CPLANE1: variants seen among roughly 807,000 people sequenced by gnomAD.
CPLANE1 encodes ciliogenesis and planar polarity effector complex subunit 1, also known as ciliogenesis and planar polarity effector 1.
Under a neutral mutation model 362.5 loss-of-function variants are expected in CPLANE1, and 263 were observed. The ratio of observed to expected loss-of-function variants is 0.73; its 90% CI spans 0.66 to 0.80. The LOEUF is 0.80. Among genes scored for constraint, CPLANE1 ranks in the 30% least tolerant of loss-of-function variants. The pLI, the probability that CPLANE1 is intolerant of heterozygous loss-of-function variation, is 0.00. For synonymous variants in CPLANE1, 1,212 were observed against 1,302.6 expected (o/e 0.93, Z 1.50); for missense variants, 3,461 against 3,793.4 (o/e 0.91, Z 2.30).
intron 8 of CPLANE1, among the ~76,000 whole-genome samples, chr5:37,237,948 A>G (rs7729404): frequency 0.52 from 79,260 of 152,090 alleles, 24,253 homozygotes; most frequent in African/African-American, 0.87. Context: ...GGAGGCCAAG[A>G]TGGGAGGATC....
Position 37,169,368 on chromosome 5 carries a change from A to C in CPLANE1, c.6656T>G (p.Phe2219Cys), listed in dbSNP as rs780148979. 1 of 1,614,194 alleles carries C rather than the reference A, an allele frequency of 6.2e-7. No individual in the cohort carries two copies. ...APRLIPHAKT[F>C]SPGDGFPLLQ... ...CAAAGGAAAGCCATCACCAGGACTAAATGTTTTTGCATGTGGGATAAGTCT... is the reference window on the plus strand; with the variant it reads ...CAAAGGAAAGCCATCACCAGGACTACATGTTTTTGCATGTGGGATAAGTCT... Residue 2219 changes from phenylalanine (F) to cysteine (C), a missense_variant, in exon 34 of 53, where the codon TTT becomes TGT. Phe to Cys is a radical substitution (Grantham distance 205). Coordinates refer to ENST00000651892, the MANE Select transcript of CPLANE1 (RefSeq NM_001384732.1).
chr5:37,232,746 AG>A (rs1385206546), intron 8 of CPLANE1, among the ~76,000 whole-genome samples: 5 of 146,542 alleles, frequency 3.4e-5, no homozygotes, highest in Non-Finnish European at 6.0e-5. Context: ...TGAGGCAGGC[AG>A]GGGGATAGCT....
In CPLANE1 at chr5:37,168,967, G is replaced by A. The variant is rs1317886001; in HGVS notation, c.7057C>T (p.Pro2353Ser). 1 of 1,614,154 alleles carries A rather than the reference G, an allele frequency of 6.2e-7. No homozygotes were observed. Among genetic ancestry groups the A allele is most frequent in the Non-Finnish European group, 8.5e-7 (1 of 1,180,026 alleles). Residue 2353 changes from proline to serine, a missense_variant, in exon 34 of 53, where the codon CCT (proline) becomes TCT (serine). Transcript: ENST00000651892. ...DVKPGTLEIS[P>S]HHSFGLPLLY... ...AACGGAAGTCCAAAGGAATGGTGAG[G>A]AGATATCTCAAGGGTCCCTGGCTTA...
chr5:37,226,425 A>G lies in CPLANE1; in HGVS notation c.2170T>C (p.Ser724Pro). ...ATCTGAAAAATAGGTACCACCAATG[A>G]GTCTTGAGCTGTTATTTTACTTCCA... The part of the protein sequence containing the change: ...ADGSKITAQD[S>P]LVVPIFQMFQ... Residue 724 changes from serine (S) to proline (P), a missense_variant, in exon 12 of 53, where the codon TCA becomes CCA. Physicochemically the swap from Ser to Pro is moderately conservative, Grantham distance 74 (BLOSUM62 -1). This residue lies in a region of CPLANE1 where 3,380 missense variants were observed against 3,666.1 expected (regional missense o/e 0.92). Transcript: ENST00000651892. The G allele has an allele frequency of 6.4e-7, 1 of 1,551,180 alleles. No homozygotes were observed.
chr5:37,241,411 C>G (rs1486706781), intron 6 of CPLANE1, among the ~76,000 whole-genome samples: 2 of 152,072 alleles, frequency 1.3e-5, no homozygotes, highest in Non-Finnish European at 2.9e-5. Flanking sequence ...GCCAAGATTG[C>G]ACCACCACAC....
In CPLANE1 at chr5:37,180,944, G is replaced by C; in HGVS notation, c.5483C>G (p.Ser1828Ter). The C allele has an allele frequency of 1.2e-6, 2 of 1,613,934 alleles. No homozygotes were observed. The highest frequency in any genetic ancestry group is 1.7e-6 in the Non-Finnish European group (2 of 1,179,862). ...TACTGCAACTGAACCGCCAGCATCT[G>C]ATTTGCTCTCCCTCTCAATATTGGG... is the stretch of plus-strand genomic sequence containing the variant. ...IGPNIERESK[S>*]DAGGSVAVAT... The change falls in exon 27 of 53, where the codon TCA becomes TGA. Residue 1828 changes from serine (S) to a stop codon, truncating the protein, a stop_gained. Transcript: ENST00000651892. LOFTEE classifies it high-confidence loss of function.
intron 16 of CPLANE1, among the ~76,000 whole-genome samples, chr5:37,212,710 T>C (rs1792963422): frequency 6.6e-6 from 1 of 152,204 alleles, no homozygotes. Context: ...TTGACCATAC[T>C]AATGAAAGTA....
chr5:37,209,929 A>C lies in CPLANE1; in HGVS notation c.2921-3504T>G. 1 of 1,366,824 alleles carries C rather than the reference A, an allele frequency of 7.3e-7. No homozygotes were observed. The highest frequency in any genetic ancestry group is 1.0e-6 in the Non-Finnish European group (1 of 956,636). 84.7% of individuals were successfully genotyped at this position (1,366,824 alleles called of 1,614,324 possible). ...GATCAGTTTGCAGATGCTTACCCTC[A>C]GCGTATCAAGTTTGAGTCTTTAGAA... On this transcript the variant is annotated intron_variant, in intron 16 of 52. Transcript: ENST00000651892. This position sits in a 1 kb window ranked among gnomAD's most constrained non-coding sequence, Gnocchi z 4.6.
chr5:37,175,722 C>T (rs569511396), intron 31 of CPLANE1, among the ~76,000 whole-genome samples, 187 bp downstream of exon 31: 11 of 152,176 alleles, frequency 7.2e-5, no homozygotes, highest in Non-Finnish European at 1.6e-4. Flanking sequence ...AGTGGAAACT[C>T]AGTAATGAAA....
At chr5:37,206,811 C>T (rs1472372334) in intron 16 of CPLANE1, among the ~76,000 whole-genome samples, 1 of 151,682 alleles carries the variant, frequency 6.6e-6, no homozygotes, top group Non-Finnish European at 1.5e-5. Flanking sequence ...AATTTATTAC[C>T]GTGACATGGG....
At position 37,173,859 on chromosome 5, in the gene CPLANE1, G is replaced by C; in HGVS notation, c.6067C>G (p.Pro2023Ala). The change falls in exon 32 of 53, where the codon CCA becomes GCA. Residue 2023 changes from proline to alanine, a missense_variant. By Grantham distance (27) the Pro-to-Ala change is conservative. Transcript: ENST00000651892. ...TTTCTCTGGGTCTTCTGAGGTGTTG[G>C]AGCAGGTGGTTGTGAAGCAACATTG... ...GVNVASQPPA[P>A]TPQKTQRNEF... The C allele has an allele frequency of 6.2e-7, 1 of 1,614,138 alleles. No homozygotes were observed. Among genetic ancestry groups the C allele is most frequent in the African/African-American group, 1.3e-5 (1 of 75,042 alleles).
intron 21 of CPLANE1, among the ~76,000 whole-genome samples, chr5:37,190,881 T>C (rs1785345465): frequency 1.3e-5 from 2 of 152,244 alleles, no homozygotes; most frequent in African/African-American, 2.4e-5. Context: ...CATACAATTA[T>C]ATACAGTACA....
At chr5:37,237,741 G>A (rs560756350) in intron 8 of CPLANE1, among the ~76,000 whole-genome samples, 2 of 152,244 alleles carry the variant, frequency 1.3e-5, no homozygotes, top group South Asian at 2.1e-4. Flanking sequence ...TCCCAGCTAC[G>A]CGGGAGGCTG....
chr5:37,145,134 T>C (rs1374473248), intron 43 of CPLANE1, among the ~76,000 whole-genome samples: 11 of 152,014 alleles, frequency 7.2e-5, no homozygotes, highest in Admixed American at 3.9e-4. Flanking sequence ...TGAAACCCCA[T>C]CTCTACTAAA....
intron 51 of CPLANE1, among the ~76,000 whole-genome samples, chr5:37,110,311 C>G (rs771661982): frequency 7.2e-5 from 11 of 152,154 alleles, no homozygotes; most frequent in Non-Finnish European, 1.3e-4. Context: ...TACCAGGACT[C>G]TGAACTTTCT....
chr5:37,159,181 G>C (rs1303871458), intron 38 of CPLANE1, among the ~76,000 whole-genome samples: 1 of 131,294 alleles, frequency 7.6e-6, no homozygotes, highest in East Asian at 2.2e-4. Flanking sequence ...GCGCAATCTC[G>C]GCTCACTGCA....
At chr5:37,141,396 T>A (rs1769671684) in intron 44 of CPLANE1, 1 of 985,396 alleles carries the variant, frequency 1.0e-6, no homozygotes, top group Non-Finnish European at 1.2e-6. Flanking sequence ...TAAAACAAGA[T>A]TCTCAGATGC....
chr5:37,084,584 A>G, the CPLANE1 span, among the ~76,000 whole-genome samples: 1 of 152,006 alleles, frequency 6.6e-6, no homozygotes, highest in Admixed American at 6.6e-5. Context: ...TTGTGAGACC[A>G]GCCTGACCAA....
intron 12 of CPLANE1, 52 bp from the exon 13 acceptor site, chr5:37,224,792 G>A (rs1796083990): frequency 2.5e-6 from 3 of 1,215,686 alleles, no homozygotes; most frequent in African/African-American, 3.1e-5. Context: ...CTAATGATGA[G>A]TTTAGCCTCC....
Sources: gnomAD v4.1 joint callset for allele counts (sites outside exome capture counted in the v4.1 genomes callset) on GRCh38, gnomAD v4.1.1 for gene constraint, gnomAD v4.1.1 regional missense constraint, Gnocchi (gnomAD v3.1) non-coding constraint, MANE v1.5 for transcripts, NCBI Gene and HGNC (gene_info 2026-07-23, HGNC 2026-07-21) for gene names.